The following ZNF131 variants were observed in gnomAD, a reference collection of about 807,000 sequenced individuals.
ZNF131 encodes the protein zinc finger protein 131.
In ZNF131, 7 loss-of-function variants were observed where a neutral mutation model predicts 60.0. The observed-to-expected ratio is 0.12, with a 90% CI of 0.07 to 0.22. ZNF131 has a LOEUF of 0.22. Among genes scored for constraint, ZNF131 ranks in the 10% least tolerant of loss-of-function variants. ZNF131 has a pLI of 1.00. For synonymous variants in ZNF131, 257 were observed against 253.2 expected (o/e 1.01, Z -0.14); for missense variants, 493 against 740.9 (o/e 0.67, Z 3.88).
intron 5 of ZNF131, among the ~76,000 whole-genome samples, chr5:43,164,594 G>A (rs1022994651): frequency 6.6e-6 from 1 of 152,114 alleles, no homozygotes; most frequent in Non-Finnish European, 1.5e-5. Flanking sequence ...GAAAGTAGCC[G>A]CAGTTACCTC....
At chr5:43,163,328 G>A (rs1749980573) in intron 5 of ZNF131, among the ~76,000 whole-genome samples, 1 of 152,132 alleles carries the variant, frequency 6.6e-6, no homozygotes, top group African/African-American at 2.4e-5. Context: ...GGCACAGTAG[G>A]TTAGTAGGCA....
intron 3 of ZNF131, among the ~76,000 whole-genome samples, chr5:43,133,291 C>G (rs1745600485): frequency 6.6e-6 from 1 of 152,012 alleles, no homozygotes; most frequent in African/African-American, 2.4e-5. Context: ...TAGTGAAACC[C>G]CATCTCTACT....
chr5:43,133,020 C>G (rs1352832983), intron 3 of ZNF131, among the ~76,000 whole-genome samples: 1 of 152,096 alleles, frequency 6.6e-6, no homozygotes, highest in Admixed American at 6.6e-5. Context: ...TGTAGGTTTT[C>G]TTTTTGTTTT....
intron 5 of ZNF131, among the ~76,000 whole-genome samples, chr5:43,163,559 C>G (rs1042377723): frequency 2.6e-5 from 4 of 152,234 alleles, no homozygotes; most frequent in Non-Finnish European, 5.9e-5. Context: ...GCTCAGGTTT[C>G]TTGCTTGCTC....
intron 5 of ZNF131, among the ~76,000 whole-genome samples, chr5:43,172,870 T>C (rs1039416887): frequency 6.6e-6 from 1 of 152,228 alleles, no homozygotes; most frequent in Admixed American, 6.5e-5. Flanking sequence ...TTCATCTTTA[T>C]ACCTTGGCCT....
chr5:43,131,068 T>C (rs1455086168), intron 3 of ZNF131, among the ~76,000 whole-genome samples: 1 of 152,002 alleles, frequency 6.6e-6, no homozygotes, highest in Non-Finnish European at 1.5e-5. Flanking sequence ...TTTCGCCTTG[T>C]TGGCCAGGCT....
intron 5 of ZNF131, among the ~76,000 whole-genome samples, chr5:43,163,590 G>C (rs1012024894): frequency 6.6e-6 from 1 of 152,178 alleles, no homozygotes; most frequent in Non-Finnish European, 1.5e-5. Context: ...AACAACCTTT[G>C]CTGGGTCTCC....
chr5:43,157,616 C>T (rs1314379704), intron 4 of ZNF131, among the ~76,000 whole-genome samples: 3 of 152,190 alleles, frequency 2.0e-5, no homozygotes, highest in African/African-American at 7.2e-5. Context: ...AGTTTTGCTT[C>T]ATTAATAGGT....
intron 4 of ZNF131, among the ~76,000 whole-genome samples, chr5:43,144,237 CTTTTTTT>C (rs935655531): frequency 0.029 from 1,866 of 65,374 alleles, 28 homozygotes; most frequent in Middle Eastern, 0.086. Context: ...TTCTTTCTTT[CTTTTTTT>C]TTTTTTTTTT....
chr5:43,161,991 T>G (rs1749744762), intron 5 of ZNF131, 60 bp downstream of exon 5: 1 of 1,456,912 alleles, frequency 6.9e-7, no homozygotes, highest in Non-Finnish European at 9.2e-7. Flanking sequence ...AATTTAAGTA[T>G]CTAAATCCTT....
chr5:43,151,177 A>G (rs1353174906), intron 4 of ZNF131, among the ~76,000 whole-genome samples: 7 of 152,210 alleles, frequency 4.6e-5, no homozygotes, highest in East Asian at 3.8e-4. Flanking sequence ...AGCCCAAGTG[A>G]TATCAGTGAA....
At chr5:43,137,222 C>T (rs1746231254) in intron 3 of ZNF131, among the ~76,000 whole-genome samples, 1 of 151,920 alleles carries the variant, frequency 6.6e-6, no homozygotes, top group Non-Finnish European at 1.5e-5. Flanking sequence ...CTACATCAAA[C>T]TAAAAAGCTT....
At chr5:43,170,635 C>CT (rs35855782) in intron 5 of ZNF131, among the ~76,000 whole-genome samples, 39,928 of 141,380 alleles carry the variant, frequency 0.28, 6,224 homozygotes, top group East Asian at 0.64. Flanking sequence ...TCTTTGTCCC[C>CT]TTTTTTTTTT....
At chr5:43,163,019 T>C (rs1749933451) in intron 5 of ZNF131, among the ~76,000 whole-genome samples, 2 of 131,412 alleles carry the variant, frequency 1.5e-5, no homozygotes, top group African/African-American at 5.4e-5. Flanking sequence ...TTGCCCAGGC[T>C]GGAGTGCAGT....
chr5:43,147,530 G>T (rs1747760807), intron 4 of ZNF131, among the ~76,000 whole-genome samples: 1 of 151,454 alleles, frequency 6.6e-6, no homozygotes, highest in South Asian at 2.1e-4. Flanking sequence ...CCATTCTCCT[G>T]CCTCAGCCTC....
At chr5:43,127,953 C>A (rs10040001) in intron 3 of ZNF131, among the ~76,000 whole-genome samples, 1,724 of 152,312 alleles carry the variant, frequency 0.011, 28 homozygotes, top group African/African-American at 0.04. Context: ...GAAATTTTAG[C>A]CCCTACTATC....
chr5:43,122,185 G>A lies in ZNF131; in HGVS notation c.124+8G>A, dbSNP rs199924282. 1 of 1,610,850 alleles carries A rather than the reference G, an allele frequency of 6.2e-7. No individual in the cohort carries two copies. Among genetic ancestry groups the A allele is most frequent in the Non-Finnish European group, 8.5e-7 (1 of 1,178,800 alleles). ...TCACCCTAATTGTCGACGGTGGGTAGGGCAGTGGGCAGAGGAGCGAATTTT... is the reference window on the plus strand; with the variant it reads ...TCACCCTAATTGTCGACGGTGGGTAAGGCAGTGGGCAGAGGAGCGAATTTT... On this transcript the variant is annotated splice_region_variant and intron_variant, in intron 2 of 6. Transcript: ENST00000682664.
At chr5:43,143,898 CTTTTTTTTTTTTTTTTTT>C (rs79246574) in intron 4 of ZNF131, among the ~76,000 whole-genome samples, 121 of 34,996 alleles carry the variant, frequency 3.5e-3, no homozygotes, top group African/African-American at 9.2e-3. Flanking sequence ...ATTGTCAGAG[CTTTTTTTTTTTTTTTTTT>C]TTTTTTTTTT....
chr5:43,144,237 CTTTTTTTTTTTTTTTTTT>C (rs935655531), intron 4 of ZNF131, among the ~76,000 whole-genome samples: 8 of 65,296 alleles, frequency 1.2e-4, no homozygotes, highest in South Asian at 1.3e-3. Flanking sequence ...TTCTTTCTTT[CTTTTTTTTTTTTTTTTTT>C]TTTTTTTTTT....
Sources: gnomAD v4.1 joint callset for allele counts (sites outside exome capture counted in the v4.1 genomes callset) on GRCh38, gnomAD v4.1.1 for gene constraint, MANE v1.5 for transcripts, NCBI Gene and HGNC (gene_info 2026-07-23, HGNC 2026-07-21) for gene names.